Variants in LRP1B observed in about 807,000 individuals in gnomAD.
The protein encoded by LRP1B is low-density lipoprotein receptor-related protein 1B.
LRP1B carries 217 observed loss-of-function variants against 556.6 expected under a neutral mutation model. The observed-to-expected ratio is 0.39, with a 90% CI of 0.35 to 0.44. The LOEUF (loss-of-function observed/expected upper bound fraction) is 0.44, where lower values mean the gene tolerates loss of function less well. Among genes scored for constraint, LRP1B ranks in the 20% least tolerant of loss-of-function variants. The probability of loss-of-function intolerance (pLI) is 1.00; values close to 1 mark genes in which losing one functional copy is unlikely to be tolerated. For synonymous variants in LRP1B, 2,047 were observed against 1,865.8 expected (o/e 1.10, Z -2.50); for missense variants, 5,053 against 5,620.8 (o/e 0.90, Z 3.23).
intron 2 of LRP1B, among the ~76,000 whole-genome samples, chr2:141,650,902 T>C (rs1267246522): frequency 6.6e-6 from 1 of 152,226 alleles, no homozygotes; most frequent in Non-Finnish European, 1.5e-5. Flanking sequence ...ATATGTTTGT[T>C]CATTTTTCCT....
At chr2:141,658,729 C>G (rs983297860) in intron 2 of LRP1B, among the ~76,000 whole-genome samples, 1 of 152,122 alleles carries the variant, frequency 6.6e-6, no homozygotes, top group Non-Finnish European at 1.5e-5. Context: ...CATTTACATT[C>G]ATCAAAATCT....
At chr2:141,875,198 TG>T (rs1222405680) in intron 1 of LRP1B, among the ~76,000 whole-genome samples, 1 of 151,602 alleles carries the variant, frequency 6.6e-6, no homozygotes, top group Non-Finnish European at 1.5e-5. Context: ...ATATAAGAGA[TG>T]GGGCCTTTCC....
chr2:140,640,141 T>C (rs1684226689), intron 41 of LRP1B, among the ~76,000 whole-genome samples: 1 of 151,576 alleles, frequency 6.6e-6, no homozygotes, highest in African/African-American at 2.4e-5. Flanking sequence ...TAGCTGGGAC[T>C]ACGGGCGCCC....
At chr2:141,491,854 T>C (rs1292312867) in intron 2 of LRP1B, among the ~76,000 whole-genome samples, 1 of 152,064 alleles carries the variant, frequency 6.6e-6, no homozygotes, top group African/African-American at 2.4e-5. Flanking sequence ...AAGATACCTG[T>C]AAAAGAAAGA....
intron 2 of LRP1B, among the ~76,000 whole-genome samples, chr2:141,627,964 T>G (rs957127609): frequency 2.0e-5 from 3 of 152,200 alleles, no homozygotes; most frequent in Non-Finnish European, 2.9e-5. Context: ...AACCTAAAAC[T>G]GCTCTAAAAA....
intron 83 of LRP1B, among the ~76,000 whole-genome samples, chr2:140,307,222 CAT>C (rs1469635511): frequency 6.6e-6 from 1 of 151,898 alleles, no homozygotes; most frequent in Non-Finnish European, 1.5e-5. Context: ...CTTTAGAAAA[CAT>C]AGATTTCCTC....
At chr2:141,865,510 T>C (rs2105792913) in intron 1 of LRP1B, among the ~76,000 whole-genome samples, 1 of 137,660 alleles carries the variant, frequency 7.3e-6, no homozygotes, top group African/African-American at 2.8e-5. Flanking sequence ...GAGAATGGCG[T>C]GAACCCGGGA....
intron 1 of LRP1B, among the ~76,000 whole-genome samples, chr2:142,088,267 A>G (rs1392013167): frequency 1.3e-5 from 2 of 152,218 alleles, no homozygotes; most frequent in African/African-American, 4.8e-5. Context: ...TCATGAAAAC[A>G]TAATTACATT....
intron 43 of LRP1B, among the ~76,000 whole-genome samples, chr2:140,555,807 G>T (rs993977355): frequency 2.0e-5 from 3 of 152,002 alleles, no homozygotes; most frequent in African/African-American, 7.2e-5. Context: ...CTACTTTAGA[G>T]AAATCTTTGT....
chr2:141,044,578 AAAAC>A (rs1435269309), intron 11 of LRP1B, among the ~76,000 whole-genome samples: 3 of 151,388 alleles, frequency 2.0e-5, no homozygotes, highest in South Asian at 4.2e-4. Context: ...TTACAAGAAA[AAAAC>A]AAACAACCCC....
chr2:140,617,854 T>C (rs1297348136), intron 41 of LRP1B, among the ~76,000 whole-genome samples: 1 of 152,034 alleles, frequency 6.6e-6, no homozygotes, highest in Non-Finnish European at 1.5e-5. Context: ...AGGAAAATTT[T>C]AAAAACTGTT....
chr2:141,126,040 T>TTTA (rs1489020805), intron 7 of LRP1B, among the ~76,000 whole-genome samples: 1 of 150,416 alleles, frequency 6.6e-6, no homozygotes, highest in African/African-American at 2.4e-5. Context: ...TCCTTTTATT[T>TTTA]TTTTTTTTTT....
rs183090271 is a variant in LRP1B at position 141,181,250 on chromosome 2, T to C, written c.1013+7171A>G. The stretch of plus-strand genomic sequence containing the variant: ...AACTTCAATAGATACCTTATGACCG[T>C]AGAGGAATTATCCTGGAAAGAATAC... On this transcript the variant is annotated intron_variant, in intron 7 of 90. Coordinates refer to ENST00000389484, the MANE Select transcript of LRP1B (RefSeq NM_018557.3). Among the ~76,000 whole-genome samples the C allele has an allele frequency of 2.6e-5, 4 of 151,958 alleles. No individual in the cohort carries two copies. The East Asian group carries it at 7.8e-4, about 30-fold the overall frequency.
chr2:141,981,325 A>G lies in LRP1B; in HGVS notation c.82+149323T>C, dbSNP rs185506597. On this transcript the variant is annotated intron_variant, in intron 1 of 90. Transcript: ENST00000389484. ...GATTAGGCATTGGACCTGCAACCTC[A>G]ATGATAACAAGTCTAACGTGAAGAT... is the stretch of plus-strand genomic sequence containing the variant. Among the ~76,000 whole-genome samples the G allele has an allele frequency of 1.6e-3, 251 of 152,224 alleles. 1 individual carries two copies. The highest frequency in any genetic ancestry group is 5.7e-3 in the African/African-American group (237 of 41,550).
chr2:141,932,557 C>G (rs978628416), intron 1 of LRP1B, among the ~76,000 whole-genome samples: 1 of 151,926 alleles, frequency 6.6e-6, no homozygotes, highest in Non-Finnish European at 1.5e-5. Flanking sequence ...CCATGTAATG[C>G]TTGTGTAAGT....
rs992501503 is a variant in LRP1B at position 140,984,203 on chromosome 2, A to G, written c.2771-1927T>C. On this transcript the variant is annotated intron_variant, in intron 17 of 90. Transcript: ENST00000389484. ...ACATATCTCTGTTTCACTGGTTACA[A>G]TAAATACCTTTTTATCTTTTAAGAG... Among the ~76,000 whole-genome samples, 3 of 151,956 alleles carry G rather than the reference A, an allele frequency of 2.0e-5. No individual in the cohort carries two copies. In the East Asian group the frequency reaches 5.8e-4, roughly 29 times the overall value.
chr2:141,245,937 A>G (rs926493916), intron 5 of LRP1B, among the ~76,000 whole-genome samples: 1 of 151,980 alleles, frequency 6.6e-6, no homozygotes, highest in Non-Finnish European at 1.5e-5. Flanking sequence ...ACAAATATTT[A>G]TTGAGAACCT....
In LRP1B at chr2:140,365,962, T is replaced by C. The variant is rs976862157; in HGVS notation, c.11009-1179A>G. Among the ~76,000 whole-genome samples the C allele has an allele frequency of 9.2e-5, 14 of 151,850 alleles. No individual in the cohort carries two copies. The Middle Eastern group carries it at 0.014, about 148-fold the overall frequency. ...GGAAGGAATAATGTGCCCGAACTTG[T>C]GAAGATCAAATAACTCTTCTTGCTG... On this transcript the variant is annotated intron_variant, in intron 71 of 90. Transcript: ENST00000389484.
chr2:141,161,626 A>G (rs1461230382), intron 7 of LRP1B, among the ~76,000 whole-genome samples: 2 of 152,176 alleles, frequency 1.3e-5, no homozygotes. Flanking sequence ...GGATTGTTGT[A>G]TAGCAAATAG....
Sources: gnomAD v4.1 joint callset for allele counts (sites outside exome capture counted in the v4.1 genomes callset) on GRCh38, gnomAD v4.1.1 for gene constraint, MANE v1.5 for transcripts, NCBI Gene and HGNC (gene_info 2026-07-23, HGNC 2026-07-21) for gene names.